The following GRIK1 variants were observed in gnomAD, a reference collection of about 807,000 sequenced individuals.
GRIK1 encodes glutamate receptor ionotropic, kainate 1.
GRIK1 carries 69 observed loss-of-function variants against 105.7 expected under a neutral mutation model. That is an observed-to-expected ratio of 0.65 (90% CI 0.54 to 0.80). GRIK1 has a LOEUF of 0.80. Among genes scored for constraint, GRIK1 ranks in the 30% least tolerant of loss-of-function variants. The probability of loss-of-function intolerance (pLI) is 0.00; values close to 1 mark genes in which losing one functional copy is unlikely to be tolerated. For synonymous variants in GRIK1, 438 were observed against 431.3 expected, an observed-to-expected ratio of 1.02 and a Z score of -0.19; for missense variants, 1,109 against 1,167.3, an observed-to-expected ratio of 0.95 and a Z score of 0.73.
chr21:29,631,316 A>T (rs1218448141), intron 7 of GRIK1, among the ~76,000 whole-genome samples: 1 of 152,192 alleles, frequency 6.6e-6, no homozygotes, highest in Non-Finnish European at 1.5e-5. Context: ...GATGAAAATT[A>T]GGCTTAGATG....
At chr21:29,579,780 GTAAC>G (rs1212936975) in intron 13 of GRIK1, among the ~76,000 whole-genome samples, 1 of 151,922 alleles carries the variant, frequency 6.6e-6, no homozygotes, top group Non-Finnish European at 1.5e-5. Flanking sequence ...CAAGGTAGTG[GTAAC>G]TAACAGACAC....
intron 1 of GRIK1, among the ~76,000 whole-genome samples, chr21:29,933,575 G>A (rs530919174): frequency 6.6e-6 from 1 of 152,152 alleles, no homozygotes; most frequent in East Asian, 1.9e-4. Flanking sequence ...TGCTCAAATA[G>A]GTAATTGTGG....
intron 1 of GRIK1, among the ~76,000 whole-genome samples, chr21:29,916,463 T>C (rs186853376): frequency 6.6e-6 from 1 of 152,092 alleles, no homozygotes; most frequent in East Asian, 1.9e-4. Context: ...GAAATCTATG[T>C]AGCAAGTCAT....
intron 1 of GRIK1, among the ~76,000 whole-genome samples, chr21:29,805,113 C>T (rs1269601208): frequency 6.6e-6 from 1 of 152,078 alleles, no homozygotes; most frequent in African/African-American, 2.4e-5. Context: ...GCTAAGCCCA[C>T]TCTGAGTATG....
chr21:29,735,029 T>A (rs1488846715), intron 1 of GRIK1, among the ~76,000 whole-genome samples: 6 of 152,276 alleles, frequency 3.9e-5, no homozygotes, highest in African/African-American at 1.4e-4. Flanking sequence ...ACTCAAAAAC[T>A]CTAGACTGCC....
chr21:29,865,224 A>G (rs990166973), intron 1 of GRIK1, among the ~76,000 whole-genome samples: 1 of 152,174 alleles, frequency 6.6e-6, no homozygotes, highest in Non-Finnish European at 1.5e-5. Flanking sequence ...TTCAAAAAGC[A>G]TGTTTATTGT....
chr21:29,630,846 C>T (rs529825503), intron 7 of GRIK1: 36 of 345,304 alleles, frequency 1.0e-4, no homozygotes, highest in African/African-American at 7.1e-4. Context: ...GTCACCTAGG[C>T]TGGAGTGCAG....
At chr21:29,667,698 C>T (rs1041700095) in intron 4 of GRIK1, among the ~76,000 whole-genome samples, 3 of 152,192 alleles carry the variant, frequency 2.0e-5, no homozygotes, top group Non-Finnish European at 4.4e-5. Flanking sequence ...TGGCCATTCT[C>T]CAGCTCAGGA....
intron 7 of GRIK1, among the ~76,000 whole-genome samples, chr21:29,622,615 T>G (rs1413247189): frequency 6.6e-6 from 1 of 152,148 alleles, no homozygotes; most frequent in Non-Finnish European, 1.5e-5. Context: ...TGAGTACTAC[T>G]GGGGTATGCT....
intron 1 of GRIK1, among the ~76,000 whole-genome samples, chr21:29,904,498 A>G (rs139957028): frequency 6.6e-6 from 1 of 152,270 alleles, no homozygotes; most frequent in African/African-American, 2.4e-5. Context: ...ATGAGTCTGC[A>G]ATGTTTATGG....
chr21:29,753,557 CT>C (rs1001208862), intron 1 of GRIK1, among the ~76,000 whole-genome samples: 18 of 152,320 alleles, frequency 1.2e-4, no homozygotes, highest in African/African-American at 4.3e-4. Flanking sequence ...AAAATTGTCC[CT>C]GTGAAACCAC....
At chr21:29,642,347 T>C (rs2062528500) in intron 7 of GRIK1, among the ~76,000 whole-genome samples, 1 of 152,198 alleles carries the variant, frequency 6.6e-6, no homozygotes, top group Non-Finnish European at 1.5e-5. Context: ...ACTTTTCCAG[T>C]TAGCTGATAA....
At chr21:29,925,574 GT>G (rs1311192808) in intron 1 of GRIK1, among the ~76,000 whole-genome samples, 1 of 152,166 alleles carries the variant, frequency 6.6e-6, no homozygotes, top group Admixed American at 6.5e-5. Flanking sequence ...AAGCTCAAAT[GT>G]TACTTTGCAA....
At chr21:29,556,374 G>A (rs547243003) in intron 15 of GRIK1, among the ~76,000 whole-genome samples, 9 of 152,218 alleles carry the variant, frequency 5.9e-5, no homozygotes, top group Non-Finnish European at 8.8e-5. Context: ...TCCAGCCTAC[G>A]GGATGACCAC....
chr21:29,755,428 G>A (rs1297576147), intron 1 of GRIK1, among the ~76,000 whole-genome samples: 2 of 152,210 alleles, frequency 1.3e-5, no homozygotes, highest in South Asian at 2.1e-4. Context: ...TAACTAACAG[G>A]CATTCACTTA....
At chr21:29,890,568 T>G (rs2069857382) in intron 1 of GRIK1, among the ~76,000 whole-genome samples, 1 of 152,008 alleles carries the variant, frequency 6.6e-6, no homozygotes, top group Non-Finnish European at 1.5e-5. Flanking sequence ...TGTCTTCCAT[T>G]CTGAAGATAT....
intron 1 of GRIK1, among the ~76,000 whole-genome samples, chr21:29,838,072 A>G (rs1785654296): frequency 6.6e-6 from 1 of 152,228 alleles, no homozygotes; most frequent in African/African-American, 2.4e-5. Context: ...GATTTCAATA[A>G]AGGAGAAAAG....
intron 4 of GRIK1, chr21:29,657,302 T>C (rs2062872959): frequency 6.6e-6 from 1 of 152,246 alleles, no homozygotes; most frequent in African/African-American, 2.4e-5. Context: ...TTAAATTTCA[T>C]TATGGAGGCT....
chr21:29,596,428 G>A lies in GRIK1; in HGVS notation c.1251+98C>T, dbSNP rs1167572825. The stretch of plus-strand genomic sequence containing the variant: ...ACTTCCCTTCTAAACTGCAATTGGA[G>A]AGCTACAGGTCTGGTAACATTGGAA... On this transcript the variant is annotated intron_variant, in intron 9 of 17. Transcript: ENST00000327783. 4 of 824,438 alleles carry A rather than the reference G, an allele frequency of 4.9e-6. No individual in the cohort carries two copies. In the South Asian group the frequency reaches 5.3e-5, roughly 11 times the overall value. The allele number at this position is 824,438 out of a possible 1,614,324, so 51.1% of individuals were successfully genotyped here. A position where few individuals can be genotyped will look rare whatever the true frequency, so the allele number is the denominator to read the frequency against.
Sources: allele counts gnomAD v4.1 joint callset (sites outside exome capture counted in the v4.1 genomes callset), GRCh38; gene constraint gnomAD v4.1.1; transcripts MANE v1.5; gene names NCBI Gene and HGNC (gene_info 2026-07-23, HGNC 2026-07-21).